The following INPP5D variants were observed in gnomAD, a reference collection of about 807,000 sequenced individuals.
INPP5D encodes the protein inositol polyphosphate-5-phosphatase D.
Under a neutral mutation model 122.9 loss-of-function variants are expected in INPP5D, and 33 were observed. The ratio of observed to expected loss-of-function variants is 0.27; its 90% CI spans 0.20 to 0.36. The LOEUF (loss-of-function observed/expected upper bound fraction) is 0.36. Ranked by LOEUF, INPP5D falls within the 10% of genes least tolerant of loss-of-function variation. The probability of loss-of-function intolerance (pLI) is 1.00; values close to 1 mark genes in which losing one functional copy is unlikely to be tolerated. For missense variants in INPP5D, 1,053 were observed against 1,412.7 expected (o/e 0.75, Z 4.08); for synonymous variants, 584 against 576.2 (o/e 1.01, Z -0.19).
At chr2:233,186,079 C>T (rs1457221937) in intron 21 of INPP5D, among the ~76,000 whole-genome samples, 154 bp downstream of exon 21, 2 of 152,196 alleles carry the variant, frequency 1.3e-5, no homozygotes, top group African/African-American at 2.4e-5. Context: ...AGCAAGCTCT[C>T]GCTCAAGGTG....
At chr2:233,097,796 G>A (rs1002532761) in intron 2 of INPP5D, among the ~76,000 whole-genome samples, 1 of 152,162 alleles carries the variant, frequency 6.6e-6, no homozygotes, top group Non-Finnish European at 1.5e-5. Context: ...AACTCATTTA[G>A]GGACAGGGGA....
At chr2:233,148,630 G>C (rs1363610450) in intron 9 of INPP5D, among the ~76,000 whole-genome samples, 1 of 152,178 alleles carries the variant, frequency 6.6e-6, no homozygotes, top group Non-Finnish European at 1.5e-5. Flanking sequence ...GACAGGACCA[G>C]AGGGCTGACG....
At chr2:233,117,819 TGTGA>T (rs1692847554) in intron 2 of INPP5D, among the ~76,000 whole-genome samples, 1 of 152,226 alleles carries the variant, frequency 6.6e-6, no homozygotes, top group Non-Finnish European at 1.5e-5. Context: ...TGCTGGGGGA[TGTGA>T]GTGAGGGCAG....
At chr2:233,182,285 T>G in intron 18 of INPP5D, 125 bp from the exon 19 acceptor site, 3 of 1,392,720 alleles carry the variant, frequency 2.2e-6, no homozygotes, top group Non-Finnish European at 2.9e-6. Context: ...GGACAACAGG[T>G]GCAAAACTTC....
At chr2:233,084,178 T>C (rs945798697) in intron 2 of INPP5D, among the ~76,000 whole-genome samples, 4 of 152,196 alleles carry the variant, frequency 2.6e-5, no homozygotes, top group African/African-American at 9.6e-5. Flanking sequence ...CTCAGTCTCC[T>C]GAGTAGCTGA....
Position 233,177,244 on chromosome 2 carries a change from G to C in INPP5D, c.1990-21G>C, listed in dbSNP as rs761408043. Reference sequence around the variant, plus strand: ...ATAATAATAAGAGGCATTTTTTAAAGCCTATGACTTTGATTTGCAGATGAA... The same window carrying C: ...ATAATAATAAGAGGCATTTTTTAAACCCTATGACTTTGATTTGCAGATGAA... On this transcript the variant is annotated intron_variant, in intron 17 of 26. Coordinates refer to ENST00000445964, the MANE Select transcript of INPP5D (RefSeq NM_001017915.3). The surrounding 1 kb of genome is among the most constrained non-coding windows in gnomAD (Gnocchi z 4.2). 1 of 1,613,626 alleles carries C rather than the reference G, an allele frequency of 6.2e-7. No homozygotes were observed. The highest frequency in any genetic ancestry group is 8.5e-7 in the Non-Finnish European group (1 of 1,179,686).
rs1474858048 is a variant in INPP5D at position 233,189,533 on chromosome 2, G to A, written c.2359-317G>A. The stretch of plus-strand genomic sequence containing the variant: ...TTCTCCTCTATGACCCTGGCCTAGG[G>A]ATGGGAAGGAACGGGGGCAATGGAT... On this transcript the variant is annotated intron_variant, in intron 21 of 26. Coordinates refer to ENST00000445964, the MANE Select transcript of INPP5D (RefSeq NM_001017915.3). The surrounding 1 kb of genome is among the most constrained non-coding windows in gnomAD (Gnocchi z 5.6). 2.0e-5 allele frequency among the ~76,000 whole-genome samples: 3 copies of A among 152,186 alleles called. No individual in the cohort carries two copies. Among genetic ancestry groups the A allele is most frequent in the Non-Finnish European group, 4.4e-5 (3 of 68,032 alleles).
At chr2:233,127,718 C>T (rs981207148) in intron 4 of INPP5D, among the ~76,000 whole-genome samples, 10 of 152,226 alleles carry the variant, frequency 6.6e-5, no homozygotes, top group African/African-American at 2.2e-4. Context: ...AAGTGATTCT[C>T]CTGCTTCAGC....
intron 9 of INPP5D, among the ~76,000 whole-genome samples, chr2:233,156,141 C>T (rs529211859): frequency 7.9e-5 from 12 of 152,328 alleles, no homozygotes; most frequent in African/African-American, 2.2e-4. Flanking sequence ...CTGGCTGTGC[C>T]CAAACCAGGG....
At chr2:233,145,323 A>C (rs186362814) in intron 6 of INPP5D, 36 of 456,152 alleles carry the variant, frequency 7.9e-5, no homozygotes, top group African/African-American at 7.0e-4. Context: ...GTACTGAACA[A>C]CTTAACGGAG....
chr2:233,096,567 A>C (rs1296274165), intron 2 of INPP5D, among the ~76,000 whole-genome samples: 3 of 152,046 alleles, frequency 2.0e-5, no homozygotes, highest in African/African-American at 7.2e-5. Flanking sequence ...CAGGAGAATC[A>C]CTTGAACCTG....
intron 13 of INPP5D, among the ~76,000 whole-genome samples, chr2:233,168,355 A>G (rs1230637557): frequency 6.6e-6 from 1 of 152,238 alleles, no homozygotes; most frequent in Non-Finnish European, 1.5e-5. Context: ...GGTGTTTGAT[A>G]GTCACATGTG....
chr2:233,068,781 G>A (rs900068127), intron 1 of INPP5D, among the ~76,000 whole-genome samples: 3 of 152,192 alleles, frequency 2.0e-5, no homozygotes, highest in Admixed American at 1.3e-4. Context: ...GTCACTTGAG[G>A]CCTCCTTGGA....
Position 233,204,368 on chromosome 2 carries a change from G to C in INPP5D, c.3218G>C (p.Gly1073Ala), listed in dbSNP as rs1484616419. 6.2e-7 allele frequency: 1 copy of C among 1,610,162 alleles called. No homozygotes were observed. Among genetic ancestry groups the C allele is most frequent in the African/African-American group, 1.3e-5 (1 of 74,864 alleles). ...GCCCAGGAGGCTGATCGCGGCGAGGGGCCCGGCAAGCAGGTGCCCGCGCCC... is the reference window on the plus strand; with the variant it reads ...GCCCAGGAGGCTGATCGCGGCGAGGCGCCCGGCAAGCAGGTGCCCGCGCCC... Reference protein sequence around the residue: ...TKAQEADRGEGPGKQVPAPRL... With the variant: ...TKAQEADRGEAPGKQVPAPRL... Residue 1073 changes from glycine (G) to alanine (A), a missense_variant, in exon 26 of 27, where the codon GGG (glycine) becomes GCG (alanine). Physicochemically the swap from Gly to Ala is moderately conservative, Grantham distance 60. This residue lies in a region of INPP5D where 417 missense variants were observed against 425.8 expected (regional missense o/e 0.98). Transcript: ENST00000445964.
intron 13 of INPP5D, 83 bp from the exon 14 acceptor site, chr2:233,169,222 C>T (rs560974336): frequency 9.7e-5 from 149 of 1,538,634 alleles, no homozygotes; most frequent in South Asian, 8.3e-4. Flanking sequence ...CTGCCCCTCT[C>T]ACCCTGCCTT....
chr2:233,088,261 C>A (rs1691903391), intron 2 of INPP5D, among the ~76,000 whole-genome samples: 1 of 152,208 alleles, frequency 6.6e-6, no homozygotes, highest in Non-Finnish European at 1.5e-5. Context: ...AGGCATGAGC[C>A]ACCAGCCCCG....
intron 26 of INPP5D, chr2:233,205,143 G>C (rs1467809015): frequency 6.2e-6 from 1 of 160,406 alleles, no homozygotes; most frequent in Admixed American, 6.5e-5. Flanking sequence ...TCAGGAGATC[G>C]AGACCATCCT....
Position 233,082,317 on chromosome 2 carries a change from C to T in INPP5D, c.198+2919C>T, listed in dbSNP as rs1001860300. On this transcript the variant is annotated intron_variant, in intron 2 of 26. Transcript: ENST00000445964. The surrounding 1 kb of genome is among the most constrained non-coding windows in gnomAD (Gnocchi z 4.7). Reference sequence around the variant, plus strand: ...CCAATTAAGCAGACTCAGAGCCCTTCGGGGAAGCTTTAGCAGTTATTGATC... The same window carrying T: ...CCAATTAAGCAGACTCAGAGCCCTTTGGGGAAGCTTTAGCAGTTATTGATC... 1.7e-4 allele frequency among the ~76,000 whole-genome samples: 26 copies of T among 152,318 alleles called. No homozygotes were observed. Among genetic ancestry groups the T allele is most frequent in the Middle Eastern group, 6.8e-3 (2 of 294 alleles).
At chr2:233,118,398 G>C (rs2106251524) in intron 2 of INPP5D, among the ~76,000 whole-genome samples, 1 of 152,200 alleles carries the variant, frequency 6.6e-6, no homozygotes, top group South Asian at 2.1e-4. Flanking sequence ...TCTAGACCAC[G>C]CTCCCCACCC....
Sources: allele counts gnomAD v4.1 joint callset (sites outside exome capture counted in the v4.1 genomes callset), GRCh38; gene constraint gnomAD v4.1.1; regional missense constraint gnomAD v4.1.1; non-coding constraint Gnocchi (gnomAD v3.1); transcripts MANE v1.5; gene names NCBI Gene and HGNC (gene_info 2026-07-23, HGNC 2026-07-21).